Variants in ROBO2 observed in about 807,000 individuals in gnomAD.
ROBO2 encodes roundabout guidance receptor 2, also known as roundabout homolog 2.
ROBO2 carries 53 observed loss-of-function variants against 160.8 expected under a neutral mutation model. That is an observed-to-expected ratio of 0.33 (90% confidence interval 0.26 to 0.41). The LOEUF (loss-of-function observed/expected upper bound fraction) is 0.41, where lower values mean the gene tolerates loss of function less well. ROBO2 is among the 10% of genes least tolerant of loss of function. The pLI, the probability that ROBO2 is intolerant of heterozygous loss-of-function variation, is 1.00. For missense variants in ROBO2, 1,577 were observed against 1,722.4 expected (o/e 0.92, Z 1.49); for synonymous variants, 664 against 611.7 (o/e 1.09, Z -1.26).
At chr3:77,642,886 T>G in intron 24 of ROBO2, 1 of 456,516 alleles carries the variant, frequency 2.2e-6, no homozygotes, top group Non-Finnish European at 4.4e-6. Context: ...ATGGATAAGC[T>G]CCACAGAACG....
intron 2 of ROBO2, among the ~76,000 whole-genome samples, chr3:76,359,622 A>C (rs1291048555): frequency 6.6e-6 from 1 of 152,012 alleles, no homozygotes; most frequent in Non-Finnish European, 1.5e-5. Flanking sequence ...TTTTCTCAAC[A>C]TCATTTCTAT....
At chr3:77,476,505 G>A (rs1246523845) in intron 2 of ROBO2, among the ~76,000 whole-genome samples, 1 of 152,070 alleles carries the variant, frequency 6.6e-6, no homozygotes, top group Non-Finnish European at 1.5e-5. Flanking sequence ...AGCAGAGGCA[G>A]TTGCAGTATA....
At chr3:77,277,164 C>CCTTCTTTCTTTCTT (rs1553882861) in intron 2 of ROBO2, among the ~76,000 whole-genome samples, 2 of 84,968 alleles carry the variant, frequency 2.4e-5, no homozygotes, top group Non-Finnish European at 4.7e-5. Context: ...TTCCTTCTTT[C>CCTTCTTTCTTTCTT]TTTCTTTCTT....
intron 4 of ROBO2, 136 bp downstream of exon 4, chr3:77,481,355 A>G (rs1474145842): frequency 1.6e-6 from 1 of 614,484 alleles, no homozygotes; most frequent in Non-Finnish European, 2.4e-6. Flanking sequence ...AATTAGAATT[A>G]TCTTGTTTTC....
chr3:76,376,761 T>C (rs2076366629), intron 2 of ROBO2, among the ~76,000 whole-genome samples: 1 of 152,062 alleles, frequency 6.6e-6, no homozygotes, highest in African/African-American at 2.4e-5. Context: ...GATTAAGAAA[T>C]GTTGATTTGG....
intron 2 of ROBO2, among the ~76,000 whole-genome samples, chr3:77,208,772 G>A (rs1332539571): frequency 6.6e-6 from 1 of 152,150 alleles, no homozygotes; most frequent in Non-Finnish European, 1.5e-5. Flanking sequence ...TTGAGGAGAA[G>A]AAAGAAAACC....
exon 13 of ROBO2, chr3:77,568,378 G>C (rs1321927144): frequency 6.2e-7 from 1 of 1,612,982 alleles, no homozygotes; most frequent in Non-Finnish European, 8.5e-7. Context: ...AGATGTCCTT[G>C]TCCGTCTTCA....
chr3:76,272,914 T>A (rs1400790699), intron 2 of ROBO2, among the ~76,000 whole-genome samples: 2 of 19,044 alleles, frequency 1.1e-4, no homozygotes, highest in Admixed American at 7.0e-4. Context: ...TATTTATATA[T>A]AAAATATATA....
chr3:76,820,859 GT>G (rs900199629), intron 2 of ROBO2, among the ~76,000 whole-genome samples: 2 of 151,494 alleles, frequency 1.3e-5, no homozygotes, highest in African/African-American at 2.4e-5. Context: ...ATTCAACAGG[GT>G]TTTTTTTAAT....
At position 77,622,436 on chromosome 3, in the gene ROBO2, A is replaced by G; in HGVS notation, c.3760+4A>G. Reference sequence around the variant, plus strand: ...AATCTAGACAGCTCTGTGACAGGTAACGGAACCAATTTAATAGGAAAAACT... The same window carrying G: ...AATCTAGACAGCTCTGTGACAGGTAGCGGAACCAATTTAATAGGAAAAACT... On this transcript the variant is annotated splice_donor_region_variant and intron_variant, in intron 23 of 25. Transcript: ENST00000461745. The G allele has an allele frequency of 6.2e-7, 1 of 1,614,002 alleles. No homozygotes were observed. Among genetic ancestry groups the G allele is most frequent in the African/African-American group, 1.3e-5 (1 of 75,036 alleles).
rs2062841915 is a variant in ROBO2, at chr3:76,784,368, T to C, written c.110-313646T>C. ...CTCTTGTTTCTTCTTGGGGAGGATG[T>C]CTTGGGATTGTGTGTCTTCTTTTGA... On this transcript the variant is annotated intron_variant, in intron 2 of 26. Coordinates refer to the ROBO2 transcript ENST00000487694. Among the ~76,000 whole-genome samples the C allele has an allele frequency of 3.3e-5, 5 of 151,144 alleles. No individual in the cohort carries two copies. In the Admixed American group the frequency reaches 3.3e-4, roughly 10 times the overall value.
At chr3:77,262,924 A>C (rs1464248201) in intron 2 of ROBO2, among the ~76,000 whole-genome samples, 1 of 152,194 alleles carries the variant, frequency 6.6e-6, no homozygotes, top group Non-Finnish European at 1.5e-5. Flanking sequence ...GAGTTTTGCT[A>C]TAAACTAAAT....
intron 2 of ROBO2, among the ~76,000 whole-genome samples, chr3:76,682,170 G>C (rs868598590): frequency 6.6e-6 from 1 of 152,066 alleles, no homozygotes; most frequent in Non-Finnish European, 1.5e-5. Context: ...GGGGGTGGAC[G>C]TAGAGAAGGG....
At position 77,550,914 on chromosome 3, in the gene ROBO2, G is replaced by A. The variant is rs564658770; in HGVS notation, c.1156G>A (p.Ala386Thr). 21 of 1,612,982 alleles carry A rather than the reference G, an allele frequency of 1.3e-5. No homozygotes were observed. In the Admixed American group the frequency reaches 2.7e-4, roughly 21 times the overall value. Residue 386 changes from alanine (A) to threonine (T), a missense_variant, in exon 8 of 26, where the codon GCG (alanine) becomes ACG (threonine). Physicochemically the swap from Ala to Thr is moderately conservative, Grantham distance 58. This residue lies in a region of ROBO2 where 940 missense variants were observed against 1,135.5 expected (regional missense o/e 0.83). Coordinates refer to ENST00000461745, the Ensembl canonical transcript of ROBO2. Reference sequence around the variant, plus strand: ...AATCACCAACATTCAACGTTCCGACGCGGGTTACTACATCTGCCAGGCTTT... The same window carrying A: ...AATCACCAACATTCAACGTTCCGACACGGGTTACTACATCTGCCAGGCTTT...
chr3:76,465,973 G>A (rs1306990535), intron 2 of ROBO2, among the ~76,000 whole-genome samples: 1 of 149,016 alleles, frequency 6.7e-6, no homozygotes, highest in African/African-American at 2.5e-5. Context: ...CCTCACTCCA[G>A]TTAAAATATC....
chr3:76,240,057 G>A (rs1432910095), intron 2 of ROBO2, among the ~76,000 whole-genome samples: 3 of 152,114 alleles, frequency 2.0e-5, no homozygotes, highest in Non-Finnish European at 4.4e-5. Flanking sequence ...CAGAGCACAG[G>A]CCGTTCTAGA....
intron 2 of ROBO2, among the ~76,000 whole-genome samples, chr3:76,326,866 G>A (rs1030208391): frequency 6.1e-5 from 9 of 146,916 alleles, no homozygotes; most frequent in Non-Finnish European, 1.0e-4. Flanking sequence ...GAGAATATGC[G>A]GTGTTTGGTT....
chr3:76,326,795 G>A (rs1449903354), intron 2 of ROBO2, among the ~76,000 whole-genome samples: 8 of 98,566 alleles, frequency 8.1e-5, no homozygotes, highest in South Asian at 3.5e-4. Flanking sequence ...GCAGTCCCCA[G>A]AGCGTGATGT....
chr3:76,705,534 G>A (rs998361138), intron 2 of ROBO2, among the ~76,000 whole-genome samples: 2 of 152,082 alleles, frequency 1.3e-5, no homozygotes, highest in Admixed American at 6.6e-5. Context: ...AAGGCCATTG[G>A]ATTTGTCAAT....
Sources: gnomAD v4.1 joint callset for allele counts (sites outside exome capture counted in the v4.1 genomes callset) on GRCh38, gnomAD v4.1.1 for gene constraint, gnomAD v4.1.1 regional missense constraint, MANE v1.5 for transcripts, NCBI Gene and HGNC (gene_info 2026-07-23, HGNC 2026-07-21) for gene names.